CLUL1: variants seen among roughly 807,000 people sequenced by gnomAD.
CLUL1 encodes the protein clusterin-like protein 1.
A neutral mutation model predicts 49.4 loss-of-function variants in CLUL1; 43 were observed. The observed-to-expected ratio is 0.87, with a 90% CI of 0.68 to 1.12. The LOEUF (loss-of-function observed/expected upper bound fraction) is 1.12. CLUL1 is among the 50% of genes most tolerant of loss of function. CLUL1 has a pLI of 0.00. For missense variants in CLUL1, 486 were observed against 544.4 expected, an observed-to-expected ratio of 0.89 and a Z score of 1.07; for synonymous variants, 192 against 184.9, an observed-to-expected ratio of 1.04 and a Z score of -0.31.
rs551260309 is a variant in CLUL1, at chr18:646,939, C to T, written c.1397+1842C>T. Among the ~76,000 whole-genome samples, 342 of 152,050 alleles carry T rather than the reference C, an allele frequency of 2.2e-3. 1 individual carries two copies. The highest frequency in any genetic ancestry group is 0.01 in the Middle Eastern group (3 of 294). Reference sequence around the variant, plus strand: ...TAATTTTTGTGTTTTTTAGTAGAGACAGGGTTTCACCATGTTGGCCAGGCT... The same window carrying T: ...TAATTTTTGTGTTTTTTAGTAGAGATAGGGTTTCACCATGTTGGCCAGGCT... On this transcript the variant is annotated intron_variant, in intron 9 of 9. Coordinates refer to ENST00000692774, the MANE Select transcript of CLUL1 (RefSeq NM_001393344.1).
chr18:637,749 C>T (rs1215704946), intron 7 of CLUL1, among the ~76,000 whole-genome samples: 4 of 151,950 alleles, frequency 2.6e-5, no homozygotes, highest in Admixed American at 6.6e-5. Context: ...CCGAGGCGGG[C>T]GGATCACCTG....
At chr18:616,904 A>C (rs2073307872) in intron 2 of CLUL1, 1 of 154,698 alleles carries the variant, frequency 6.5e-6, no homozygotes, top group Non-Finnish European at 1.4e-5. Flanking sequence ...TTAAAAAGAC[A>C]TTCCAAATGT....
chr18:626,934 AGAAG>A (rs1567966712), intron 5 of CLUL1, among the ~76,000 whole-genome samples, 159 bp from the exon 6 acceptor site: 60 of 1,334 alleles, frequency 0.045, 19 homozygotes, highest in African/African-American at 0.045. Context: ...AAAGAAGGAA[AGAAG>A]GAAAGAAGGA....
At chr18:604,163 G>A (rs570339906) in intron 1 of CLUL1, among the ~76,000 whole-genome samples, 1 of 152,348 alleles carries the variant, frequency 6.6e-6, no homozygotes, top group South Asian at 2.1e-4. Context: ...GTACAGGCAT[G>A]AGCCACCACC....
Position 650,001 on chromosome 18 carries a change from C to A in CLUL1, c.*100C>A. 1 of 828,046 alleles carries A rather than the reference C, an allele frequency of 1.2e-6. No individual in the cohort carries two copies. Among genetic ancestry groups the A allele is most frequent in the Non-Finnish European group, 2.0e-6 (1 of 509,010 alleles). The allele number at this position is 828,046 out of a possible 1,614,324, so 51.3% of individuals were successfully genotyped here. On this transcript the variant is annotated 3_prime_UTR_variant, in exon 10 of 10. Coordinates refer to ENST00000692774, the MANE Select transcript of CLUL1 (RefSeq NM_001393344.1). ...AAGGATAATGCAATAAACACAGTTGCAGGAAAGTATGTTAGCTATATACTA... is the reference window on the plus strand; with the variant it reads ...AAGGATAATGCAATAAACACAGTTGAAGGAAAGTATGTTAGCTATATACTA...
intron 7 of CLUL1, among the ~76,000 whole-genome samples, chr18:637,795 C>A (rs995973804): frequency 6.6e-6 from 1 of 151,678 alleles, no homozygotes; most frequent in Non-Finnish European, 1.5e-5. Context: ...GCCAACATGG[C>A]GAAACCCCGT....
chr18:625,783 C>T (rs2144048294), intron 5 of CLUL1, among the ~76,000 whole-genome samples: 1 of 152,256 alleles, frequency 6.6e-6, no homozygotes, highest in Non-Finnish European at 1.5e-5. Flanking sequence ...TATTAGAGCA[C>T]ATACTAATTA....
chr18:615,579 C>A (rs1288827887), intron 2 of CLUL1, among the ~76,000 whole-genome samples: 5 of 152,204 alleles, frequency 3.3e-5, no homozygotes, highest in Non-Finnish European at 7.3e-5. Context: ...CTATGACCAA[C>A]TTTTCCAGGA....
chr18:600,311 A>G (rs1420960466), intron 1 of CLUL1, among the ~76,000 whole-genome samples: 1 of 152,172 alleles, frequency 6.6e-6, no homozygotes, highest in African/African-American at 2.4e-5. Flanking sequence ...TCTCACTGTA[A>G]TGGAGTTTAT....
chr18:627,620 T>C, intron 6 of CLUL1, 91 bp downstream of exon 6: 5 of 879,894 alleles, frequency 5.7e-6, no homozygotes, highest in Non-Finnish European at 8.6e-6. Flanking sequence ...CTGAGTCACA[T>C]TGTATAGCAT....
chr18:636,533 TA>T (rs899598711), intron 7 of CLUL1, among the ~76,000 whole-genome samples: 3 of 151,466 alleles, frequency 2.0e-5, no homozygotes, highest in African/African-American at 7.3e-5. Flanking sequence ...TTCAATTAAA[TA>T]AAAAAATGAG....
chr18:626,532 A>G (rs2073703386), intron 5 of CLUL1, among the ~76,000 whole-genome samples: 1 of 151,954 alleles, frequency 6.6e-6, no homozygotes, highest in Non-Finnish European at 1.5e-5. Context: ...ATTTGAAATG[A>G]CTACTGTAAG....
At chr18:623,926 C>T (rs1396750787) in intron 4 of CLUL1, among the ~76,000 whole-genome samples, 3 of 152,308 alleles carry the variant, frequency 2.0e-5, no homozygotes, top group Non-Finnish European at 1.5e-5. Context: ...TTTCCATTAG[C>T]TCTGAGGCTG....
rs200703485 is a variant in CLUL1, at chr18:618,067, A to G, written c.67A>G (p.Thr23Ala). Residue 23 changes from threonine to alanine, a missense_variant, in exon 3 of 10, where the codon ACT becomes GCT. Transcript: ENST00000692774. The surrounding 1 kb of genome is among the most constrained non-coding windows in gnomAD (Gnocchi z 4.2). ...LWLKDSHCAP[T>A]WKDKTAISEN... ...GTTGAAAGACAGTCACTGCGCACCC[A>G]CTTGGAAGGACAAAACTGCTATCAG... 2.3e-4 allele frequency: 377 copies of G among 1,614,102 alleles called. No homozygotes were observed. Among genetic ancestry groups the G allele is most frequent in the Non-Finnish European group, 3.0e-4 (356 of 1,179,994 alleles).
chr18:644,855 A>G (rs1283531821), intron 8 of CLUL1, 55 bp from the exon 9 acceptor site: 4 of 1,367,978 alleles, frequency 2.9e-6, no homozygotes, highest in East Asian at 2.4e-5. Context: ...TTAAATTACT[A>G]TTGAATGTGT....
In CLUL1 at chr18:627,315, A is replaced by G. The variant is rs115407065; in HGVS notation, c.642A>G (p.Gln214=). ...AGCAAGAGTTTGACCAGACTTTTCAATCACATTTCATATCAGATACAGACC... is the reference window on the plus strand; with the variant it reads ...AGCAAGAGTTTGACCAGACTTTTCAGTCACATTTCATATCAGATACAGACC... ...QMQQEFDQTF[Q]SHFISDTDLT... is the part of the protein sequence containing the mutation. Residue 214 remains glutamine (Q), a synonymous_variant, in exon 6 of 10, where the codon CAA becomes CAG. Coordinates refer to ENST00000692774, the MANE Select transcript of CLUL1 (RefSeq NM_001393344.1). The G allele has an allele frequency of 7.4e-6, 12 of 1,614,082 alleles. No individual in the cohort carries two copies. Among genetic ancestry groups the G allele is most frequent in the African/African-American group, 1.3e-5 (1 of 75,028 alleles).
At chr18:622,865 G>T (rs190062383) in intron 4 of CLUL1, among the ~76,000 whole-genome samples, 30 of 152,266 alleles carry the variant, frequency 2.0e-4, no homozygotes, top group Admixed American at 6.5e-5. Flanking sequence ...TGCAAATGAG[G>T]AGACTAAGGC....
intron 2 of CLUL1, among the ~76,000 whole-genome samples, chr18:611,941 A>G (rs2073147052): frequency 6.6e-6 from 1 of 152,204 alleles, no homozygotes; most frequent in Non-Finnish European, 1.5e-5. Context: ...CTCATCTCAA[A>G]AAATGGCATC....
At position 606,967 on chromosome 18, in the gene CLUL1, C is replaced by T. The variant is rs530470942; in HGVS notation, c.-135-11C>T. ...TAAAATTTCTTTTCTTTTTTCTTTT[C>T]TTTTCTTTAGAGTTGCGTCCCTCTC... On this transcript the variant is annotated splice_polypyrimidine_tract_variant and intron_variant, in intron 1 of 9. Transcript: ENST00000692774. The surrounding 1 kb of genome is among the most constrained non-coding windows in gnomAD (Gnocchi z 4.1). 2 of 615,252 alleles carry T rather than the reference C, an allele frequency of 3.3e-6. No individual in the cohort carries two copies. Among genetic ancestry groups the T allele is most frequent in the South Asian group, 1.9e-5 (1 of 53,658 alleles). 38.1% of individuals were successfully genotyped at this position (615,252 alleles called of 1,614,324 possible). A position where few individuals can be genotyped will look rare whatever the true frequency, so the allele number is the denominator to read the frequency against.
Sources: gnomAD v4.1 joint callset for allele counts (sites outside exome capture counted in the v4.1 genomes callset) on GRCh38, gnomAD v4.1.1 for gene constraint, Gnocchi (gnomAD v3.1) non-coding constraint, MANE v1.5 for transcripts, NCBI Gene and HGNC (gene_info 2026-07-23, HGNC 2026-07-21) for gene names.